Variants in OR4P4 observed in about 807,000 individuals in gnomAD.
OR4P4 encodes olfactory receptor family 4 subfamily P member 4.
A neutral mutation model predicts 2.1 loss-of-function variants in OR4P4; 1 was observed. The ratio of observed to expected loss-of-function variants is 0.47; its 90% CI spans 0.17 to 2.21. The LOEUF (loss-of-function observed/expected upper bound fraction) is 2.21, where lower values mean the gene tolerates loss of function less well. Among genes scored for constraint, OR4P4 ranks in the 30% most tolerant of loss-of-function variants. The pLI is 0.27. For missense variants in OR4P4, 375 were observed against 376.5 expected (o/e 1.00, Z 0.03); for synonymous variants, 129 against 133.2 (o/e 0.97, Z 0.22).
At position 55,636,571 on chromosome 11, in the gene OR4P4, A is replaced by G. The variant is rs572111038; in HGVS notation, c.-31+1355A>G. Among the ~76,000 whole-genome samples the G allele has an allele frequency of 4.4e-5, 6 of 137,558 alleles. 2 individuals are homozygous for G. The South Asian group carries it at 9.5e-4, about 22-fold the overall frequency. The allele number at this position is 137,558 out of a possible 152,430, so 90.2% of individuals were successfully genotyped here. A position where few individuals can be genotyped will look rare whatever the true frequency, so the allele number is the denominator to read the frequency against. On this transcript the variant is annotated intron_variant, in intron 1 of 1. Transcript: ENST00000641760. ...TGTGAGTTTTCTTACTTTCACATGG[A>G]CATATGGTGAGAGGGTTATAAATTC... is the stretch of plus-strand genomic sequence containing the variant.
In OR4P4 at chr11:55,638,380, C is replaced by T; in HGVS notation, c.23C>T (p.Thr8Ile). The T allele has an allele frequency of 1.4e-6, 2 of 1,406,036 alleles. 1 individual carries two copies. Among genetic ancestry groups the T allele is most frequent in the Non-Finnish European group, 1.9e-6 (2 of 1,040,484 alleles). 87.1% of individuals were successfully genotyped at this position (1,406,036 alleles called of 1,614,324 possible). A position where few individuals can be genotyped will look rare whatever the true frequency, so the allele number is the denominator to read the frequency against. The change falls in exon 2 of 2, where the codon ACT becomes ATT. Residue 8 changes from threonine (T) to isoleucine (I), a missense_variant. By Grantham distance (89) the Thr-to-Ile change is moderately conservative. Transcript: ENST00000641760. Reference sequence around the variant, plus strand: ...ACCATGGAAAAAAGCAATAATAGCACTTTGTTTATTCTCTTGGGGTTTTCC... The same window carrying T: ...ACCATGGAAAAAAGCAATAATAGCATTTTGTTTATTCTCTTGGGGTTTTCC...
rs1283236443 is a variant in OR4P4, at chr11:55,639,435, G to A, written c.*139G>A. The A allele has an allele frequency of 3.8e-6, 2 of 527,822 alleles. 1 individual carries two copies. The highest frequency in any genetic ancestry group is 6.6e-6 in the Non-Finnish European group (2 of 303,170). 32.7% of individuals were successfully genotyped at this position (527,822 alleles called of 1,614,324 possible). ...TTCTGTGGTTTTATACTTCTACATTGACATCTCTTTAACAAATTGAACATT... is the reference window on the plus strand; with the variant it reads ...TTCTGTGGTTTTATACTTCTACATTAACATCTCTTTAACAAATTGAACATT... On this transcript the variant is annotated 3_prime_UTR_variant, in exon 2 of 2. Transcript: ENST00000641760.
At position 55,637,185 on chromosome 11, in the gene OR4P4, T is replaced by C. The variant is rs1176408151; in HGVS notation, c.-30-1143T>C. Among the ~76,000 whole-genome samples, 16 of 138,244 alleles carry C rather than the reference T, an allele frequency of 1.2e-4. 4 individuals are homozygous for C. In the East Asian group the frequency reaches 3.8e-3, roughly 33 times the overall value. The allele number at this position is 138,244 out of a possible 152,430, so 90.7% of individuals were successfully genotyped here. On this transcript the variant is annotated intron_variant, in intron 1 of 1. Transcript: ENST00000641760. ...AATGAAGACAGATTGATGCACTGGTTTTGTCTGAGAACATTCTGTGCCTTA... is the reference window on the plus strand; with the variant it reads ...AATGAAGACAGATTGATGCACTGGTCTTGTCTGAGAACATTCTGTGCCTTA...
intron 1 of OR4P4, 47 bp from the exon 2 acceptor site, chr11:55,638,281 G>A (rs1429489213): frequency 1.4e-6 from 1 of 700,682 alleles, no homozygotes; most frequent in African/African-American, 1.8e-5. Context: ...TATGATCATT[G>A]TACTTCTTAA....
exon 2 of OR4P4, chr11:55,639,333 A>T (rs1294248504): frequency 8.8e-7 from 1 of 1,132,166 alleles, no homozygotes; most frequent in Non-Finnish European, 1.2e-6. Flanking sequence ...TCCCTGATGA[A>T]TGAGAAAAAT....
At position 55,639,347 on chromosome 11, in the gene OR4P4, C is replaced by T. The variant is rs1050996106; in HGVS notation, c.*51C>T. 3 of 997,594 alleles carry T rather than the reference C, an allele frequency of 3.0e-6. No individual in the cohort carries two copies. The African/African-American group carries it at 4.7e-5, about 16-fold the overall frequency. 61.8% of individuals were successfully genotyped at this position (997,594 alleles called of 1,614,324 possible). ...TTCCCTGATGAATGAGAAAAATTCACTCTCATCTTGCTCTTGTCCTTAATG... is the reference window on the plus strand; with the variant it reads ...TTCCCTGATGAATGAGAAAAATTCATTCTCATCTTGCTCTTGTCCTTAATG... On this transcript the variant is annotated 3_prime_UTR_variant, in exon 2 of 2. Transcript: ENST00000641760.
In OR4P4 at chr11:55,639,515, G is replaced by A. The variant is rs567683752; in HGVS notation, c.*219G>A. ...TTAATCATTACGATTGTGCTTATGTGACATGAAATAACCAGAAAATTTCTT... is the reference window on the plus strand; with the variant it reads ...TTAATCATTACGATTGTGCTTATGTAACATGAAATAACCAGAAAATTTCTT... On this transcript the variant is annotated 3_prime_UTR_variant, in exon 2 of 2. Coordinates refer to ENST00000641760, the Ensembl canonical transcript of OR4P4. 8.3e-6 allele frequency: 3 copies of A among 359,782 alleles called. 1 individual carries two copies. Among genetic ancestry groups the A allele is most frequent in the Middle Eastern group, 1.6e-3 (2 of 1,254 alleles). The allele number at this position is 359,782 out of a possible 1,614,324, so 22.3% of individuals were successfully genotyped here.
chr11:55,638,330 G>T, exon 2 of OR4P4: 1 of 964,332 alleles, frequency 1.0e-6, no homozygotes, highest in South Asian at 2.0e-5. Context: ...CATTTCAGGT[G>T]ACTTATATGT....
At position 55,638,716 on chromosome 11, in the gene OR4P4, G is replaced by A. The variant is rs143338269; in HGVS notation, c.359G>A (p.Arg120His). 306 of 1,491,478 alleles carry A rather than the reference G, an allele frequency of 2.1e-4. 42 individuals carry two copies. In the African/African-American group the frequency reaches 2.6e-3, roughly 13 times the overall value. The allele number at this position is 1,491,478 out of a possible 1,614,324, so 92.4% of individuals were successfully genotyped here. Reference sequence around the variant, plus strand: ...ATTCTCACAGGGATGGCCTATGACCGCTATGTGGCCATTTGCAAGCCCCTG... The same window carrying A: ...ATTCTCACAGGGATGGCCTATGACCACTATGTGGCCATTTGCAAGCCCCTG... Residue 120 changes from arginine to histidine, a missense_variant, in exon 2 of 2, where the codon CGC becomes CAC. Coordinates refer to ENST00000641760, the Ensembl canonical transcript of OR4P4.
At chr11:55,637,759 T>A (rs138820081) in intron 1 of OR4P4, among the ~76,000 whole-genome samples, 1 of 138,310 alleles carries the variant, frequency 7.2e-6, no homozygotes, top group African/African-American at 2.5e-5. Context: ...CATTGGATAA[T>A]TCAGTGTCAT....
Position 55,635,781 on chromosome 11 carries a change from C to G in OR4P4, c.-31+565C>G, listed in dbSNP as rs1265378338. 2.2e-5 allele frequency among the ~76,000 whole-genome samples: 3 copies of G among 137,310 alleles called. 1 individual carries two copies. The highest frequency in any genetic ancestry group is 7.5e-5 in the African/African-American group (3 of 39,774). 90.1% of individuals were successfully genotyped at this position (137,310 alleles called of 152,430 possible). On this transcript the variant is annotated intron_variant, in intron 1 of 1. Coordinates refer to ENST00000641760, the Ensembl canonical transcript of OR4P4. ...TTTGTTGAAAATATATTTTTTACTC[C>G]TGTGTTAAGAAATCATATTAAGCAG...
At chr11:55,639,346 A>G in exon 2 of OR4P4, 1 of 1,005,706 alleles carries the variant, frequency 9.9e-7, no homozygotes, top group South Asian at 1.7e-5. Flanking sequence ...AGAAAAATTC[A>G]CTCTCATCTT....
Position 55,636,990 on chromosome 11 carries a change from A to G in OR4P4, c.-30-1338A>G, listed in dbSNP as rs1212650508. 1.5e-5 allele frequency among the ~76,000 whole-genome samples: 2 copies of G among 137,584 alleles called. 1 individual carries two copies. Among genetic ancestry groups the G allele is most frequent in the Non-Finnish European group, 3.2e-5 (2 of 61,624 alleles). 90.3% of individuals were successfully genotyped at this position (137,584 alleles called of 152,430 possible). A position where few individuals can be genotyped will look rare whatever the true frequency, so the allele number is the denominator to read the frequency against. ...ATGATTAGATTTTTACTGGTAAATT[A>G]AAAAAAAGCACTAACATTGTAGTAG... On this transcript the variant is annotated intron_variant, in intron 1 of 1. Transcript: ENST00000641760.
Position 55,638,275 on chromosome 11 carries a change from A to T in OR4P4, c.-30-53A>T. The T allele has an allele frequency of 6.0e-6, 4 of 671,742 alleles. 1 individual carries two copies. The highest frequency in any genetic ancestry group is 7.2e-6 in the Non-Finnish European group (3 of 418,536). 41.6% of individuals were successfully genotyped at this position (671,742 alleles called of 1,614,324 possible). On this transcript the variant is annotated intron_variant, in intron 1 of 1. Coordinates refer to ENST00000641760, the Ensembl canonical transcript of OR4P4. ...TAGCTAGTTCCTCAAATAAAATATG[A>T]TCATTGTACTTCTTAACAAAGACTT...
intron 1 of OR4P4, 45 bp from the exon 2 acceptor site, chr11:55,638,283 A>G: frequency 1.4e-6 from 1 of 706,608 alleles, no homozygotes; most frequent in Non-Finnish European, 2.2e-6. Context: ...TGATCATTGT[A>G]CTTCTTAACA....
chr11:55,638,222 G>C (rs1389187709), intron 1 of OR4P4, 106 bp from the exon 2 acceptor site: 1 of 519,390 alleles, frequency 1.9e-6, no homozygotes, highest in African/African-American at 1.9e-5. Context: ...TTTACTCTCT[G>C]AACCACTTGA....
chr11:55,635,925 A>G (rs1327944226), intron 1 of OR4P4, among the ~76,000 whole-genome samples: 1 of 137,766 alleles, frequency 7.3e-6, no homozygotes, highest in Non-Finnish European at 1.6e-5. Flanking sequence ...GACATATTCT[A>G]GAAAAATAAG....
intron 1 of OR4P4, among the ~76,000 whole-genome samples, chr11:55,637,780 A>G (rs1858405463): frequency 7.2e-6 from 1 of 138,522 alleles, no homozygotes; most frequent in Non-Finnish European, 1.6e-5. Context: ...CTTTGCAGCA[A>G]CATTCAAGAC....
chr11:55,638,993 G>C (rs766674719), exon 2 of OR4P4: 1 of 1,489,620 alleles, frequency 6.7e-7, no homozygotes, highest in South Asian at 1.2e-5. Context: ...TTGTTGTCTT[G>C]TTGTTGTCTT....
Sources: gnomAD v4.1 joint callset for allele counts (sites outside exome capture counted in the v4.1 genomes callset) on GRCh38, gnomAD v4.1.1 for gene constraint, MANE v1.5 for transcripts, NCBI Gene and HGNC (gene_info 2026-07-23, HGNC 2026-07-21) for gene names.